Variants in LARS2 observed in about 807,000 individuals in gnomAD.
LARS2 encodes leucyl-tRNA synthetase 2, mitochondrial.
A neutral mutation model predicts 116.6 loss-of-function variants in LARS2; 81 were observed. The observed-to-expected ratio is 0.69, with a 90% CI of 0.58 to 0.84. The LOEUF (loss-of-function observed/expected upper bound fraction) is 0.84, where lower values mean the gene tolerates loss of function less well. Among genes scored for constraint, LARS2 ranks in the 40% least tolerant of loss-of-function variants. LARS2 has a pLI of 0.00. For synonymous variants in LARS2, 396 were observed against 407.2 expected (o/e 0.97, Z 0.33); for missense variants, 968 against 1,114.5 (o/e 0.87, Z 1.87).
chr3:45,440,928 T>G (rs1368919861), intron 6 of LARS2, among the ~76,000 whole-genome samples: 1 of 151,140 alleles, frequency 6.6e-6, no homozygotes, highest in Non-Finnish European at 1.5e-5. Flanking sequence ...TTTCTCTCCC[T>G]TGTGCCTTAC....
intron 6 of LARS2, among the ~76,000 whole-genome samples, chr3:45,428,332 C>T (rs13059851): frequency 0.12 from 17,494 of 150,414 alleles, 1,249 homozygotes; most frequent in Middle Eastern, 0.19. Context: ...CAAGCTCCAC[C>T]TCCTAGGCTC....
chr3:45,475,412 G>A (rs1012592862), intron 9 of LARS2, among the ~76,000 whole-genome samples: 2 of 152,306 alleles, frequency 1.3e-5, no homozygotes, highest in Middle Eastern at 3.4e-3. Flanking sequence ...TCCTCTTACC[G>A]CTTTCCCAAG....
rs9849127 is a variant in LARS2, at chr3:45,481,196, C to T, written c.1019-4496C>T. Among the ~76,000 whole-genome samples, 939 of 152,266 alleles carry T rather than the reference C, an allele frequency of 6.2e-3. 6 individuals carry two copies. The highest frequency in any genetic ancestry group is 0.02 in the African/African-American group (817 of 41,550). The stretch of plus-strand genomic sequence containing the variant: ...CTCCTTTCACTTAGCATAATGTTTT[C>T]TTTCCTTTTTATTTCCAAATAATCC... On this transcript the variant is annotated intron_variant, in intron 10 of 21. Coordinates refer to ENST00000645846, the MANE Select transcript of LARS2 (RefSeq NM_015340.4).
intron 6 of LARS2, among the ~76,000 whole-genome samples, chr3:45,440,184 T>C (rs1698881249): frequency 6.6e-6 from 1 of 152,176 alleles, no homozygotes; most frequent in Non-Finnish European, 1.5e-5. Flanking sequence ...TCATCTGATG[T>C]AGCCTGGATT....
intron 6 of LARS2, among the ~76,000 whole-genome samples, chr3:45,444,103 C>T (rs1698968177): frequency 1.3e-5 from 2 of 150,032 alleles, no homozygotes; most frequent in South Asian, 2.1e-4. Context: ...CTCCTGGGTT[C>T]ACGCCCTTCT....
intron 13 of LARS2, among the ~76,000 whole-genome samples, chr3:45,493,679 G>GTAC (rs1699963670): frequency 6.6e-6 from 1 of 152,004 alleles, no homozygotes; most frequent in Non-Finnish European, 1.5e-5. Context: ...CTACTACCCA[G>GTAC]TATTATTATT....
At chr3:45,544,326 T>C (rs376326468) in intron 21 of LARS2, among the ~76,000 whole-genome samples, 23 of 152,364 alleles carry the variant, frequency 1.5e-4, no homozygotes, top group East Asian at 1.2e-3. Flanking sequence ...ATCCTGGGTA[T>C]AAGTCTCAGT....
chr3:45,523,201 G>C (rs1700479916), intron 19 of LARS2, among the ~76,000 whole-genome samples: 1 of 152,156 alleles, frequency 6.6e-6, no homozygotes, highest in Non-Finnish European at 1.5e-5. Context: ...ATAACACACA[G>C]AGCTAAACAC....
chr3:45,429,071 C>G (rs1559465964), intron 6 of LARS2, among the ~76,000 whole-genome samples: 1 of 126,920 alleles, frequency 7.9e-6, no homozygotes, highest in Admixed American at 8.4e-5. Flanking sequence ...TCCCACTTGC[C>G]CCAAGAATGT....
intron 20 of LARS2, among the ~76,000 whole-genome samples, chr3:45,528,743 T>C (rs2125762344): frequency 6.6e-6 from 1 of 152,378 alleles, no homozygotes; most frequent in South Asian, 2.1e-4. Context: ...GTTCTGTTTA[T>C]AGTAGTTCAT....
chr3:45,444,471 G>A (rs191604209), intron 6 of LARS2, among the ~76,000 whole-genome samples: 2,909 of 13,704 alleles, frequency 0.21, 66 homozygotes, highest in African/African-American at 0.38. Context: ...AGACCATCCC[G>A]GCTAAAACGG....
chr3:45,507,720 G>A (rs750818983), intron 15 of LARS2, among the ~76,000 whole-genome samples: 1 of 151,920 alleles, frequency 6.6e-6, no homozygotes, highest in African/African-American at 2.4e-5. Context: ...ATATATACAA[G>A]CACATATATA....
intron 15 of LARS2, among the ~76,000 whole-genome samples, chr3:45,510,413 CAAAA>C (rs34214238): frequency 6.6e-6 from 1 of 151,036 alleles, no homozygotes; most frequent in African/African-American, 2.4e-5. Context: ...GACCCTGTCT[CAAAA>C]AAAAATCATC....
Position 45,491,789 on chromosome 3 carries a change from C to T in LARS2, c.1512C>T (p.Cys504=). ...CCATGGCTTCAGAGTGGGTGAACTGCTCCTGCCCAAGGTAAGGAGCCACAT... is the reference window on the plus strand; with the variant it reads ...CCATGGCTTCAGAGTGGGTGAACTGTTCCTGCCCAAGGTAAGGAGCCACAT... ...PLAMASEWVN[C]SCPRCKGAAK... Residue 504 remains cysteine (C), a synonymous_variant, in exon 13 of 22, where the codon TGC becomes TGT. Transcript: ENST00000645846. The T allele has an allele frequency of 1.9e-6, 3 of 1,613,728 alleles. No individual in the cohort carries two copies. The highest frequency in any genetic ancestry group is 2.5e-6 in the Non-Finnish European group (3 of 1,179,784).
intron 6 of LARS2, among the ~76,000 whole-genome samples, chr3:45,437,785 A>G (rs911152390): frequency 4.6e-5 from 7 of 152,202 alleles, no homozygotes; most frequent in Admixed American, 3.9e-4. Context: ...CTCATTCAAC[A>G]TTTATTAAGC....
At position 45,405,383 on chromosome 3, in the gene LARS2, A is replaced by G. The variant is rs142949050; in HGVS notation, c.363+5010A>G. Reference sequence around the variant, plus strand: ...CTCCTTTGTTCCCAAGGAGTTTATAATCTGATAAGCCTCAACTGTTTGTGA... The same window carrying G: ...CTCCTTTGTTCCCAAGGAGTTTATAGTCTGATAAGCCTCAACTGTTTGTGA... On this transcript the variant is annotated intron_variant, in intron 4 of 21. Transcript: ENST00000645846. Among the ~76,000 whole-genome samples the G allele has an allele frequency of 6.6e-5, 10 of 152,344 alleles. No individual in the cohort carries two copies. In the East Asian group the frequency reaches 1.7e-3, roughly 26 times the overall value.
At chr3:45,429,971 G>A (rs1289352252) in intron 6 of LARS2, among the ~76,000 whole-genome samples, 1 of 137,456 alleles carries the variant, frequency 7.3e-6, no homozygotes, top group Non-Finnish European at 1.5e-5. Flanking sequence ...CAAAGTGCTG[G>A]ACTTACAGGC....
intron 7 of LARS2, among the ~76,000 whole-genome samples, chr3:45,450,136 T>G: frequency 6.6e-6 from 1 of 152,220 alleles, no homozygotes; most frequent in Non-Finnish European, 1.5e-5. Context: ...ATATCATAGT[T>G]GTACATACTT....
In LARS2 at chr3:45,415,008, G is replaced by C. The variant is rs1262648212; in HGVS notation, c.364-2474G>C. Reference sequence around the variant, plus strand: ...GCCTGGCTTCCTGAGACTGTCCCCTGATGCCACAGCAGATGTGTCAAACCA... The same window carrying C: ...GCCTGGCTTCCTGAGACTGTCCCCTCATGCCACAGCAGATGTGTCAAACCA... On this transcript the variant is annotated intron_variant, in intron 4 of 21. Transcript: ENST00000645846. Among the ~76,000 whole-genome samples, 7 of 152,186 alleles carry C rather than the reference G, an allele frequency of 4.6e-5. No individual in the cohort carries two copies. The East Asian group carries it at 1.3e-3, about 29-fold the overall frequency.
Sources: allele counts gnomAD v4.1 joint callset (sites outside exome capture counted in the v4.1 genomes callset), GRCh38; gene constraint gnomAD v4.1.1; transcripts MANE v1.5; gene names NCBI Gene and HGNC (gene_info 2026-07-23, HGNC 2026-07-21).